Variants in CAMK2B observed in about 807,000 individuals in gnomAD.
CAMK2B encodes the protein calcium/calmodulin-dependent protein kinase type II subunit beta.
CAMK2B carries 27 observed loss-of-function variants against 93.7 expected under a neutral mutation model. The ratio of observed to expected loss-of-function variants is 0.29; its 90% CI spans 0.21 to 0.40. CAMK2B has a LOEUF of 0.40. CAMK2B is among the 10% of genes least tolerant of loss of function. CAMK2B has a pLI of 1.00. For synonymous variants in CAMK2B, 374 were observed against 358.8 expected (o/e 1.04, Z -0.48); for missense variants, 568 against 895.8 (o/e 0.63, Z 4.67).
chr7:44,284,081 C>T, intron 2 of CAMK2B, 50 bp downstream of exon 2: 1 of 1,411,160 alleles, frequency 7.1e-7, no homozygotes, highest in Non-Finnish European at 1.0e-6. Flanking sequence ...GCCTCCAAAG[C>T]CCCTGCCCCA....
rs556584792 is a variant in CAMK2B at position 44,228,845 on chromosome 7, C to T, written c.1419G>A (p.Gly473=). 5.7e-4 allele frequency: 857 copies of T among 1,492,176 alleles called. 13 individuals carry two copies. In the South Asian group the frequency reaches 0.011, roughly 19 times the overall value. 92.4% of individuals were successfully genotyped at this position (1,492,176 alleles called of 1,614,324 possible). A position where few individuals can be genotyped will look rare whatever the true frequency, so the allele number is the denominator to read the frequency against. The stretch of plus-strand genomic sequence containing the variant: ...GAGCCGGAGACAGGCAGGGCGGGGG[C>T]CCCGCTGAGAGGGGGCCCTCGGCTT... ...TPEAEGPLSA[G]PPPCLSPALL... The change falls in exon 19 of 24, where the codon GGG becomes GGA. Residue 473 remains glycine (G), a synonymous_variant. Transcript: ENST00000395749.
At chr7:44,253,920 T>G (rs2096806007) in intron 5 of CAMK2B, among the ~76,000 whole-genome samples, 1 of 151,460 alleles carries the variant, frequency 6.6e-6, no homozygotes, top group East Asian at 1.9e-4. Flanking sequence ...TTTTTTTTTT[T>G]TAAATACACA....
chr7:44,234,265 C>A (rs975559121), intron 15 of CAMK2B, 125 bp downstream of exon 15: 18 of 789,456 alleles, frequency 2.3e-5, no homozygotes, highest in Admixed American at 9.0e-5. Context: ...GGGGGCCATG[C>A]GAGTGCTGTC....
intron 2 of CAMK2B, among the ~76,000 whole-genome samples, chr7:44,280,510 G>A (rs941773071): frequency 4.6e-5 from 7 of 152,320 alleles, no homozygotes; most frequent in East Asian, 1.9e-4. Context: ...TGACCTTCAC[G>A]GACAGATGGA....
chr7:44,221,275 C>A (rs1490333412), intron 20 of CAMK2B, among the ~76,000 whole-genome samples: 2 of 152,188 alleles, frequency 1.3e-5, no homozygotes, highest in Non-Finnish European at 2.9e-5. Flanking sequence ...CGTGAGCCAG[C>A]CCCTGGGCCC....
chr7:44,261,250 G>A (rs373952478), intron 3 of CAMK2B, among the ~76,000 whole-genome samples: 1 of 152,364 alleles, frequency 6.6e-6, no homozygotes, highest in Non-Finnish European at 1.5e-5. Context: ...AATAAGCCCA[G>A]TTGGGGGCCC....
chr7:44,291,671 G>A (rs1171421654), intron 1 of CAMK2B, among the ~76,000 whole-genome samples: 4 of 152,232 alleles, frequency 2.6e-5, no homozygotes, highest in East Asian at 1.9e-4. Context: ...TTATAGGAAA[G>A]AACATTCCCT....
chr7:44,319,810 G>A (rs1795643059), intron 1 of CAMK2B, among the ~76,000 whole-genome samples: 1 of 152,206 alleles, frequency 6.6e-6, no homozygotes, highest in Non-Finnish European at 1.5e-5. Flanking sequence ...AGAATTGGAA[G>A]GCACTTAGCT....
intron 22 of CAMK2B, 35 bp from the exon 23 acceptor site, chr7:44,220,329 A>G: frequency 1.3e-6 from 2 of 1,513,550 alleles, no homozygotes; most frequent in Non-Finnish European, 1.8e-6. Context: ...GTCTCGGGTT[A>G]CCATGACTGC....
In CAMK2B at chr7:44,248,204, C is replaced by T. The variant is rs966115266; in HGVS notation, c.342-1012G>A. Reference sequence around the variant, plus strand: ...GAGCACACGGAGCTTCCCCTTCAACCCTTCCTCTCATAGTCAGGGAGGGCT... The same window carrying T: ...GAGCACACGGAGCTTCCCCTTCAACTCTTCCTCTCATAGTCAGGGAGGGCT... On this transcript the variant is annotated intron_variant, in intron 5 of 23. Coordinates refer to ENST00000395749, the MANE Select transcript of CAMK2B (RefSeq NM_001220.5). This position sits in a 1 kb window ranked among gnomAD's most constrained non-coding sequence, Gnocchi z 4.1. 1.3e-5 allele frequency among the ~76,000 whole-genome samples: 2 copies of T among 152,268 alleles called. No homozygotes were observed. The highest frequency in any genetic ancestry group is 2.1e-4 in the South Asian group (1 of 4,826).
At chr7:44,277,178 G>T (rs1274347292) in intron 2 of CAMK2B, among the ~76,000 whole-genome samples, 1 of 152,084 alleles carries the variant, frequency 6.6e-6, no homozygotes, top group Non-Finnish European at 1.5e-5. Flanking sequence ...CGGGCGGGGG[G>T]TTGGGGTAGG....
chr7:44,307,456 G>A (rs989432040), intron 1 of CAMK2B, among the ~76,000 whole-genome samples: 1 of 151,680 alleles, frequency 6.6e-6, no homozygotes, highest in East Asian at 1.9e-4. Flanking sequence ...AGGGGAGGGT[G>A]TGTGAAGAGG....
intron 23 of CAMK2B, among the ~76,000 whole-genome samples, 196 bp downstream of exon 23, chr7:44,219,864 T>C (rs1047261168): frequency 6.6e-6 from 1 of 152,036 alleles, no homozygotes. Flanking sequence ...CCCAGTCCTC[T>C]GGGGAGGCCT....
At chr7:44,228,484 G>A (rs957837732) in intron 19 of CAMK2B, among the ~76,000 whole-genome samples, 6 of 152,226 alleles carry the variant, frequency 3.9e-5, no homozygotes, top group Non-Finnish European at 5.9e-5. Flanking sequence ...GGCATGGGGG[G>A]CCTCGGAGGG....
chr7:44,265,592 T>C (rs533406277), intron 2 of CAMK2B, among the ~76,000 whole-genome samples: 1 of 152,364 alleles, frequency 6.6e-6, no homozygotes, highest in South Asian at 2.1e-4. Flanking sequence ...TATGAACGCA[T>C]TCTCCTGGGA....
chr7:44,283,982 C>A, intron 2 of CAMK2B, 149 bp downstream of exon 2: 1 of 623,578 alleles, frequency 1.6e-6, no homozygotes, highest in Non-Finnish European at 2.8e-6. Flanking sequence ...TCCAGGAACC[C>A]CACTGCATCT....
intron 13 of CAMK2B, among the ~76,000 whole-genome samples, chr7:44,239,386 A>T (rs1003125742): frequency 6.6e-6 from 1 of 152,254 alleles, no homozygotes; most frequent in African/African-American, 2.4e-5. Flanking sequence ...CTCCTCTTAC[A>T]GGCGAGGAGC....
At chr7:44,222,528 C>T (rs1014248508) in intron 20 of CAMK2B, among the ~76,000 whole-genome samples, 13 of 152,008 alleles carry the variant, frequency 8.6e-5, no homozygotes, top group African/African-American at 3.1e-4. Context: ...CTCTGACTCC[C>T]AGGTTCAAGC....
rs753098807 is a variant in CAMK2B, at chr7:44,254,626, G to A, written c.276-19C>T. ...AGTGACCCTATGGGAGAAGCATGAA[G>A]GGGTCACAGATTCTGGAGACCCCTG... On this transcript the variant is annotated intron_variant, in intron 4 of 23. Transcript: ENST00000395749. 3 of 1,598,756 alleles carry A rather than the reference G, an allele frequency of 1.9e-6. No individual in the cohort carries two copies. The highest frequency in any genetic ancestry group is 1.7e-6 in the Non-Finnish European group (2 of 1,168,032).
Sources: gnomAD v4.1 joint callset for allele counts (sites outside exome capture counted in the v4.1 genomes callset) on GRCh38, gnomAD v4.1.1 for gene constraint, Gnocchi (gnomAD v3.1) non-coding constraint, MANE v1.5 for transcripts, NCBI Gene and HGNC (gene_info 2026-07-23, HGNC 2026-07-21) for gene names.